ENOX1: variants seen among roughly 807,000 people sequenced by gnomAD.
The protein encoded by ENOX1 is ecto-NOX disulfide-thiol exchanger 1, also known as candidate growth-related and time keeping constitutive hydroquinone (NADH) oxidase.
Under a neutral mutation model 82.5 loss-of-function variants are expected in ENOX1, and 42 were observed. That is an observed-to-expected ratio of 0.51 (90% CI 0.40 to 0.66). The LOEUF (loss-of-function observed/expected upper bound fraction) is 0.66, where lower values mean the gene tolerates loss of function less well. Among genes scored for constraint, ENOX1 ranks in the 30% least tolerant of loss-of-function variants. The probability of loss-of-function intolerance (pLI) is 0.00; values close to 1 mark genes in which losing one functional copy is unlikely to be tolerated. For missense variants in ENOX1, 608 were observed against 811.6 expected (o/e 0.75, Z 3.05); for synonymous variants, 271 against 282.2 (o/e 0.96, Z 0.40).
chr13:43,741,083 CTTTT>C (rs35602155), intron 1 of ENOX1, among the ~76,000 whole-genome samples: 31 of 127,142 alleles, frequency 2.4e-4, no homozygotes, highest in Admixed American at 6.4e-4. Context: ...ATGGCTGAAA[CTTTT>C]TTTTTTTTTT....
chr13:43,524,138 T>G (rs2077891488), intron 2 of ENOX1, among the ~76,000 whole-genome samples: 1 of 152,118 alleles, frequency 6.6e-6, no homozygotes, highest in Non-Finnish European at 1.5e-5. Flanking sequence ...TCAGACCCCT[T>G]TAGTCCATCT....
intron 3 of ENOX1, among the ~76,000 whole-genome samples, chr13:43,439,765 G>C (rs2056260897): frequency 6.6e-6 from 1 of 152,016 alleles, no homozygotes; most frequent in Non-Finnish European, 1.5e-5. Context: ...CAAGCATTCT[G>C]TTTCTTTTGT....
chr13:43,571,168 C>T (rs753521964), intron 2 of ENOX1, among the ~76,000 whole-genome samples: 91 of 152,274 alleles, frequency 6.0e-4, no homozygotes, highest in Non-Finnish European at 4.0e-4. Context: ...AGGAGGATGA[C>T]GGCTGTCTAC....
At chr13:43,660,187 C>T (rs2084651283) in intron 2 of ENOX1, among the ~76,000 whole-genome samples, 1 of 152,162 alleles carries the variant, frequency 6.6e-6, no homozygotes, top group African/African-American at 2.4e-5. Flanking sequence ...ATTAAAATTT[C>T]ACTTTCTCAG....
chr13:43,666,661 T>C (rs999707542), intron 2 of ENOX1, among the ~76,000 whole-genome samples: 1 of 152,144 alleles, frequency 6.6e-6, no homozygotes, highest in African/African-American at 2.4e-5. Context: ...ACAATAAATT[T>C]CTATTGTATA....
At chr13:43,310,760 T>A (rs2047155204) in intron 11 of ENOX1, among the ~76,000 whole-genome samples, 1 of 152,006 alleles carries the variant, frequency 6.6e-6, no homozygotes, top group Non-Finnish European at 1.5e-5. Flanking sequence ...CAACATATAG[T>A]TTATCATTTG....
chr13:43,346,083 C>T (rs376736313), intron 8 of ENOX1, among the ~76,000 whole-genome samples: 32 of 152,314 alleles, frequency 2.1e-4, no homozygotes, highest in South Asian at 4.1e-4. Context: ...ACACATCATA[C>T]GAAACCTTCC....
At chr13:43,307,214 A>G (rs1296358723) in intron 11 of ENOX1, among the ~76,000 whole-genome samples, 1 of 152,182 alleles carries the variant, frequency 6.6e-6, no homozygotes, top group Non-Finnish European at 1.5e-5. Context: ...ATGAACACTT[A>G]CTTGTGTCTG....
At chr13:43,272,466 A>G (rs1320923602) in intron 12 of ENOX1, among the ~76,000 whole-genome samples, 4 of 152,164 alleles carry the variant, frequency 2.6e-5, no homozygotes, top group Non-Finnish European at 2.9e-5. Flanking sequence ...GCTGTGCTCT[A>G]CTGAATAATA....
intron 2 of ENOX1, among the ~76,000 whole-genome samples, chr13:43,583,052 C>T (rs912668693): frequency 2.6e-5 from 4 of 152,094 alleles, no homozygotes; most frequent in African/African-American, 7.2e-5. Flanking sequence ...TTTCATAGCA[C>T]AACTTGCCAA....
intron 1 of ENOX1, among the ~76,000 whole-genome samples, chr13:43,707,713 C>A (rs1594497733): frequency 1.1e-5 from 1 of 93,246 alleles, no homozygotes. Flanking sequence ...AGCCTGGTGA[C>A]AGAGAAAGAC....
intron 3 of ENOX1, among the ~76,000 whole-genome samples, chr13:43,413,679 C>T (rs763069096): frequency 2.2e-4 from 31 of 143,238 alleles, no homozygotes; most frequent in Non-Finnish European, 4.7e-4. Flanking sequence ...TAGAATTGCC[C>T]AGCTTATATA....
intron 9 of ENOX1, among the ~76,000 whole-genome samples, chr13:43,341,906 A>G (rs2049088137): frequency 1.3e-5 from 2 of 152,090 alleles, no homozygotes; most frequent in African/African-American, 4.8e-5. Context: ...TTGGCTGGGG[A>G]TGGATTTTTG....
At chr13:43,726,256 C>T (rs1161185146) in intron 1 of ENOX1, among the ~76,000 whole-genome samples, 1 of 149,740 alleles carries the variant, frequency 6.7e-6, no homozygotes, top group Non-Finnish European at 1.5e-5. Flanking sequence ...GCTCTGTTGC[C>T]CAGGCTTGAG....
intron 10 of ENOX1, 86 bp from the exon 11 acceptor site, chr13:43,322,587 T>C (rs2047878290): frequency 9.4e-7 from 1 of 1,063,780 alleles, no homozygotes; most frequent in African/African-American, 1.6e-5. Flanking sequence ...ACTGGCATAT[T>C]AACATTCAGA....
chr13:43,556,984 A>C (rs2079467452), intron 2 of ENOX1, among the ~76,000 whole-genome samples: 1 of 152,234 alleles, frequency 6.6e-6, no homozygotes, highest in Non-Finnish European at 1.5e-5. Flanking sequence ...AAAAGGACAC[A>C]TGCTTCAATC....
chr13:43,418,417 A>G (rs376433534), intron 3 of ENOX1, among the ~76,000 whole-genome samples: 1 of 152,142 alleles, frequency 6.6e-6, no homozygotes, highest in African/African-American at 2.4e-5. Context: ...AATCCCAGCT[A>G]CTTGGGAAGC....
intron 2 of ENOX1, among the ~76,000 whole-genome samples, chr13:43,570,213 G>C (rs2080116194): frequency 6.6e-6 from 1 of 152,180 alleles, no homozygotes; most frequent in Non-Finnish European, 1.5e-5. Context: ...ACGTTTCAAA[G>C]TCCCAGTTAG....
chr13:43,295,177 T>C (rs4941451), intron 12 of ENOX1, among the ~76,000 whole-genome samples: 68,416 of 152,058 alleles, frequency 0.45, 15,942 homozygotes, highest in East Asian at 0.58. Flanking sequence ...GTTTAAAATA[T>C]GTATAGTCTT....
Sources: allele counts gnomAD v4.1 joint callset (sites outside exome capture counted in the v4.1 genomes callset), GRCh38; gene constraint gnomAD v4.1.1; transcripts MANE v1.5; gene names NCBI Gene and HGNC (gene_info 2026-07-23, HGNC 2026-07-21).